The following HERPUD2 variants were observed in gnomAD, a reference collection of about 807,000 sequenced individuals.
HERPUD2 encodes HERPUD family member 2.
In HERPUD2, 13 loss-of-function variants were observed where a neutral mutation model predicts 49.9. The ratio of observed to expected loss-of-function variants is 0.26; its 90% CI spans 0.17 to 0.41. The LOEUF is 0.41. Ranked by LOEUF, HERPUD2 falls within the 10% of genes least tolerant of loss-of-function variation. The pLI is 1.00. For synonymous variants in HERPUD2, 172 were observed against 171.4 expected (o/e 1.00, Z -0.03); for missense variants, 449 against 492.2 (o/e 0.91, Z 0.83).
chr7:35,680,063 A>G (rs1434118257), intron 2 of HERPUD2, among the ~76,000 whole-genome samples: 4 of 152,120 alleles, frequency 2.6e-5, no homozygotes, highest in Non-Finnish European at 5.9e-5. Flanking sequence ...TAGTCTTTTA[A>G]TTGGTTTTCT....
Position 35,634,343 on chromosome 7 carries a change from T to C in HERPUD2, c.1028A>G (p.Gln343Arg). The C allele has an allele frequency of 3.7e-6, 6 of 1,613,500 alleles. No homozygotes were observed. The highest frequency in any genetic ancestry group is 4.2e-6 in the Non-Finnish European group (5 of 1,179,414). The change falls in exon 8 of 9, where the codon CAA becomes CGA. Residue 343 changes from glutamine (Q) to arginine (R), a missense_variant. By Grantham distance (43) the Gln-to-Arg change is conservative. Transcript: ENST00000311350. ...TTCAAGTTCCAAGTTGTTTGCATTT[T>C]GCCCATCATTGTTAACTTCGGCATT... ...NNNAEVNNDGQNANNLELEEM... is the reference protein window; with the variant it reads ...NNNAEVNNDGRNANNLELEEM...
At chr7:35,660,212 C>A (rs1242023155) in intron 5 of HERPUD2, among the ~76,000 whole-genome samples, 1 of 152,120 alleles carries the variant, frequency 6.6e-6, no homozygotes, top group Non-Finnish European at 1.5e-5. Context: ...TCAACGTATC[C>A]TTTTTTATGG....
At chr7:35,651,118 A>G (rs1029442198) in intron 5 of HERPUD2, among the ~76,000 whole-genome samples, 6 of 152,052 alleles carry the variant, frequency 3.9e-5, no homozygotes, top group African/African-American at 1.5e-4. Context: ...CATCACCAAC[A>G]CCACCACAGA....
At chr7:35,635,095 G>T in intron 7 of HERPUD2, 40 bp downstream of exon 7, 1 of 1,464,962 alleles carries the variant, frequency 6.8e-7, no homozygotes, top group Non-Finnish European at 9.5e-7. Flanking sequence ...CTGAACAGTT[G>T]CAGAAATTAA....
intron 5 of HERPUD2, among the ~76,000 whole-genome samples, chr7:35,645,337 C>A (rs75800265): frequency 0.075 from 11,379 of 152,060 alleles, 597 homozygotes; most frequent in South Asian, 0.21. Context: ...GTCATAGATA[C>A]TCGGGAGGCT....
chr7:35,672,892 G>A (rs3735409), intron 3 of HERPUD2, among the ~76,000 whole-genome samples: 14,594 of 151,914 alleles, frequency 0.096, 1,059 homozygotes, highest in South Asian at 0.21. Context: ...ATGAAAATCC[G>A]TCACCACTAC....
intron 6 of HERPUD2, 102 bp downstream of exon 6, chr7:35,638,248 T>C: frequency 1.7e-6 from 2 of 1,178,246 alleles, no homozygotes; most frequent in Non-Finnish European, 2.3e-6. Flanking sequence ...CAACATTAAA[T>C]ACATAAACAA....
chr7:35,653,592 C>A (rs540234294), intron 5 of HERPUD2, among the ~76,000 whole-genome samples: 1 of 151,972 alleles, frequency 6.6e-6, no homozygotes, highest in East Asian at 1.9e-4. Flanking sequence ...TTTCATCCAA[C>A]AGGTATAGAA....
At position 35,678,543 on chromosome 7, in the gene HERPUD2, C is replaced by T. The variant is rs548851069; in HGVS notation, c.148-5265G>A. ...CTCAAACTCCTGGCCTCAAGTGATC[C>T]GCCCGCCTCAGCCCCCTAAAGCGCT... On this transcript the variant is annotated intron_variant, in intron 2 of 8. Coordinates refer to ENST00000311350, the MANE Select transcript of HERPUD2 (RefSeq NM_022373.5). Among the ~76,000 whole-genome samples, 22 of 152,224 alleles carry T rather than the reference C, an allele frequency of 1.4e-4. 1 individual carries two copies. In the South Asian group the frequency reaches 3.5e-3, roughly 24 times the overall value.
chr7:35,685,235 C>CAA (rs768006907), intron 2 of HERPUD2, among the ~76,000 whole-genome samples: 4 of 118,162 alleles, frequency 3.4e-5, no homozygotes, highest in African/African-American at 1.2e-4. Context: ...GAGACTGTCT[C>CAA]AAAAAAAAAA....
chr7:35,676,313 T>C (rs533039940), intron 2 of HERPUD2, among the ~76,000 whole-genome samples: 1 of 152,374 alleles, frequency 6.6e-6, no homozygotes, highest in African/African-American at 2.4e-5. Flanking sequence ...CTATACAATG[T>C]AGTTAGATCT....
intron 2 of HERPUD2, among the ~76,000 whole-genome samples, chr7:35,678,567 C>T (rs1785814957): frequency 6.6e-6 from 1 of 152,210 alleles, no homozygotes; most frequent in African/African-American, 2.4e-5. Flanking sequence ...CCCTAAAGCG[C>T]TGGGATTACA....
intron 5 of HERPUD2, among the ~76,000 whole-genome samples, chr7:35,663,419 T>C (rs1785470662): frequency 6.6e-6 from 1 of 152,204 alleles, no homozygotes; most frequent in African/African-American, 2.4e-5. Context: ...CTATTAGGTC[T>C]GCTTGGTGCA....
Position 35,695,127 on chromosome 7 carries a change from TTTG to T in HERPUD2, c.-627_-625del, listed in dbSNP as rs1284173106. The T allele has an allele frequency of 1.3e-5, 2 of 152,104 alleles. No individual in the cohort carries two copies. Among genetic ancestry groups the T allele is most frequent in the Non-Finnish European group, 2.9e-5 (2 of 68,116 alleles). 9.4% of individuals were successfully genotyped at this position (152,104 alleles called of 1,614,324 possible). A position where few individuals can be genotyped will look rare whatever the true frequency, so the allele number is the denominator to read the frequency against. On this transcript the variant is annotated 5_prime_UTR_variant, in exon 1 of 9. Transcript: ENST00000311350. ...GTTGCGCCACCGCTGGCGCGCCGGT[TTTG>T]TTGTTATTGCGAGGATTGTCTGGGG...
At chr7:35,684,282 C>T (rs1452368537) in intron 2 of HERPUD2, among the ~76,000 whole-genome samples, 1 of 151,788 alleles carries the variant, frequency 6.6e-6, no homozygotes, top group African/African-American at 2.4e-5. Context: ...CCCAGCTACT[C>T]GGGAGGCTGA....
At chr7:35,694,072 C>T in intron 2 of HERPUD2, 112 bp downstream of exon 2, 1 of 1,131,648 alleles carries the variant, frequency 8.8e-7, no homozygotes, top group Admixed American at 1.9e-5. Context: ...TCGCGGTCTA[C>T]CAAAAGAGAC....
intron 3 of HERPUD2, 66 bp downstream of exon 3, chr7:35,673,135 T>C (rs775152017): frequency 3.8e-5 from 47 of 1,243,110 alleles, no homozygotes; most frequent in Non-Finnish European, 4.9e-5. Flanking sequence ...TTGAATAAAA[T>C]TTCAGAACAT....
intron 2 of HERPUD2, among the ~76,000 whole-genome samples, chr7:35,680,143 A>C (rs1367980642): frequency 1.3e-5 from 2 of 152,214 alleles, no homozygotes; most frequent in East Asian, 3.8e-4. Flanking sequence ...ATGGTGGTTC[A>C]TACCTGTAAT....
chr7:35,677,042 T>C (rs1423250040), intron 2 of HERPUD2, among the ~76,000 whole-genome samples: 2 of 152,224 alleles, frequency 1.3e-5, no homozygotes, highest in Non-Finnish European at 2.9e-5. Context: ...TCTATTTTTT[T>C]ATAATTATAT....
Sources: allele counts gnomAD v4.1 joint callset (sites outside exome capture counted in the v4.1 genomes callset), GRCh38; gene constraint gnomAD v4.1.1; transcripts MANE v1.5; gene names NCBI Gene and HGNC (gene_info 2026-07-23, HGNC 2026-07-21).